The following PKIG variants were observed in gnomAD, a reference collection of about 807,000 sequenced individuals.
PKIG encodes protein kinase (cAMP-dependent, catalytic) inhibitor gamma.
In PKIG, 1 loss-of-function variant was observed where a neutral mutation model predicts 6.8. That is an observed-to-expected ratio of 0.15 (90% confidence interval 0.05 to 0.69). The LOEUF is 0.69. PKIG is among the 30% of genes least tolerant of loss of function. The probability of loss-of-function intolerance (pLI) is 0.82; values close to 1 mark genes in which losing one functional copy is unlikely to be tolerated. For synonymous variants in PKIG, 39 were observed against 43.0 expected (o/e 0.91, Z 0.36); for missense variants, 77 against 104.0 (o/e 0.74, Z 1.13).
chr20:44,611,875 T>C (rs1295740340), intron 2 of PKIG, among the ~76,000 whole-genome samples: 2 of 152,120 alleles, frequency 1.3e-5, no homozygotes, highest in African/African-American at 4.8e-5. Context: ...ATGCAGTATT[T>C]GTGTTTCTGT....
At chr20:44,600,700 AAAG>A (rs1411133962) in intron 2 of PKIG, among the ~76,000 whole-genome samples, 5 of 152,078 alleles carry the variant, frequency 3.3e-5, no homozygotes, top group Admixed American at 6.6e-5. Context: ...TTAAAAAAAA[AAAG>A]AAGAAGAAAT....
rs535880480 is a variant in PKIG at position 44,596,482 on chromosome 20, A to G, written c.-24+6616A>G. 3.3e-5 allele frequency among the ~76,000 whole-genome samples: 5 copies of G among 152,324 alleles called. No individual in the cohort carries two copies. In the South Asian group the frequency reaches 8.3e-4, roughly 25 times the overall value. On this transcript the variant is annotated intron_variant, in intron 2 of 3. Transcript: ENST00000372886. The stretch of plus-strand genomic sequence containing the variant: ...CCAAGGGCTTAGGAACCTTGAGTAA[A>G]TGATGTTAATGTGGGCCAGAGGTAC...
chr20:44,588,689 G>C (rs1029151770), intron 1 of PKIG, among the ~76,000 whole-genome samples: 4 of 151,962 alleles, frequency 2.6e-5, no homozygotes, highest in Non-Finnish European at 4.4e-5. Context: ...AAAGGAGGGA[G>C]AGGGAGTAAA....
At chr20:44,569,493 G>A (rs534625626) in intron 1 of PKIG, among the ~76,000 whole-genome samples, 6 of 151,968 alleles carry the variant, frequency 3.9e-5, no homozygotes, top group African/African-American at 1.5e-4. Context: ...TTCTGAAAGC[G>A]GTTTGTTTTT....
intron 1 of PKIG, among the ~76,000 whole-genome samples, chr20:44,555,315 A>G (rs2064703732): frequency 6.6e-6 from 1 of 152,230 alleles, no homozygotes; most frequent in African/African-American, 2.4e-5. Context: ...ATAGTGCTTA[A>G]CAGTGTACTG....
At chr20:44,542,734 A>G (rs2064573298) in intron 1 of PKIG, among the ~76,000 whole-genome samples, 1 of 152,150 alleles carries the variant, frequency 6.6e-6, no homozygotes, top group South Asian at 2.1e-4. Flanking sequence ...CTGGGACTAC[A>G]GGCATGCGCC....
At position 44,607,323 on chromosome 20, in the gene PKIG, G is replaced by A. The variant is rs143660737; in HGVS notation, c.-23-7211G>A. Reference sequence around the variant, plus strand: ...CTACAGTTGTTTCCAAGGTGTGTGTGTGTGTGTGTTTGTGTGTGTATATGT... The same window carrying A: ...CTACAGTTGTTTCCAAGGTGTGTGTATGTGTGTGTTTGTGTGTGTATATGT... On this transcript the variant is annotated intron_variant, in intron 2 of 3. Transcript: ENST00000372886. Among the ~76,000 whole-genome samples the A allele has an allele frequency of 4.9e-3, 740 of 150,138 alleles. 3 individuals are homozygous for A. Among genetic ancestry groups the A allele is most frequent in the African/African-American group, 0.017 (690 of 40,722 alleles).
Position 44,614,264 on chromosome 20 carries a change from A to G in PKIG, c.-23-270A>G. ...TCTGTGCCAGTGCCTGGCGCATGGT[A>G]TTAATAAATGTGTGTACATGTTTGT... On this transcript the variant is annotated intron_variant, in intron 2 of 3. Transcript: ENST00000372886. This position sits in a 1 kb window ranked among gnomAD's most constrained non-coding sequence, Gnocchi z 4.6. 1 of 280,270 alleles carries G rather than the reference A, an allele frequency of 3.6e-6. No individual in the cohort carries two copies. Among genetic ancestry groups the G allele is most frequent in the Non-Finnish European group, 6.8e-6 (1 of 146,950 alleles). The allele number at this position is 280,270 out of a possible 1,614,324, so 17.4% of individuals were successfully genotyped here.
chr20:44,605,163 T>C (rs1298468484), intron 2 of PKIG, among the ~76,000 whole-genome samples: 1 of 151,976 alleles, frequency 6.6e-6, no homozygotes, highest in Non-Finnish European at 1.5e-5. Context: ...CCCAGCACTT[T>C]GGGAGGCCGA....
At chr20:44,582,068 G>A (rs1305691682), upstream of PKIG, among the ~76,000 whole-genome samples, 2 of 152,100 alleles carry the variant, frequency 1.3e-5, no homozygotes, top group Non-Finnish European at 2.9e-5. Flanking sequence ...CCTTCCCCGG[G>A]GGCACACATC....
intron 2 of PKIG, among the ~76,000 whole-genome samples, chr20:44,610,913 G>A (rs1489322632): frequency 6.6e-6 from 1 of 151,904 alleles, no homozygotes; most frequent in African/African-American, 2.4e-5. Flanking sequence ...TATTTGTGGG[G>A]TGCAACTTGA....
intron 2 of PKIG, among the ~76,000 whole-genome samples, chr20:44,605,160 C>G (rs1385759367): frequency 1.3e-5 from 2 of 151,706 alleles, no homozygotes; most frequent in Non-Finnish European, 2.9e-5. Context: ...AATCCCAGCA[C>G]TTTGGGAGGC....
intron 1 of PKIG, among the ~76,000 whole-genome samples, chr20:44,572,055 G>C (rs1456249038): frequency 6.6e-6 from 1 of 152,204 alleles, no homozygotes; most frequent in East Asian, 1.9e-4. Flanking sequence ...CCAGGCTGGG[G>C]TGCAGTGGCA....
At chr20:44,609,131 G>A (rs927237470) in intron 2 of PKIG, among the ~76,000 whole-genome samples, 1 of 152,222 alleles carries the variant, frequency 6.6e-6, no homozygotes, top group Non-Finnish European at 1.5e-5. Flanking sequence ...ATGTGTTTCT[G>A]CTTTCGATTG....
rs1182668529 is a variant in PKIG at position 44,618,511 on chromosome 20, TG to T, written c.*149del. On this transcript the variant is annotated 3_prime_UTR_variant, in exon 4 of 4. Coordinates refer to ENST00000372886, the MANE Select transcript of PKIG (RefSeq NM_001281445.2). ...TGAGAAGGCTCCCCAGAGGCCTCTG[TG>T]GCCTCCACTCCGGGAAAGCCCTCTG... 6.4e-6 allele frequency: 4 copies of T among 629,230 alleles called. No individual in the cohort carries two copies. Among genetic ancestry groups the T allele is most frequent in the Non-Finnish European group, 1.1e-5 (4 of 351,352 alleles). 39.0% of individuals were successfully genotyped at this position (629,230 alleles called of 1,614,324 possible).
upstream of PKIG, among the ~76,000 whole-genome samples, chr20:44,581,516 A>G (rs1172532876): frequency 6.6e-6 from 1 of 152,194 alleles, no homozygotes; most frequent in Non-Finnish European, 1.5e-5. Flanking sequence ...ATTGTACACG[A>G]AAGTAGAGAG....
In PKIG at chr20:44,614,647, G is replaced by C. The variant is rs1241829812; in HGVS notation, c.91G>C (p.Glu31Gln). 1 of 1,614,108 alleles carries C rather than the reference G, an allele frequency of 6.2e-7. No individual in the cohort carries two copies. The highest frequency in any genetic ancestry group is 1.7e-5 in the Admixed American group (1 of 60,028). ...GGTCCCTGACATCCAGGGAGACTCA[G>C]AGGCTGTGAGCGTGAGGAAGCTGGC... ...NAVPDIQGDS[E>Q]AVSVRKLAGD... The change falls in exon 3 of 4, where the codon GAG becomes CAG. Residue 31 changes from glutamate to glutamine, a missense_variant. Transcript: ENST00000372886. The surrounding 1 kb of genome is among the most constrained non-coding windows in gnomAD (Gnocchi z 4.6).
chr20:44,546,135 A>G (rs1238538643), intron 1 of PKIG, among the ~76,000 whole-genome samples: 6 of 152,016 alleles, frequency 3.9e-5, no homozygotes, highest in African/African-American at 1.4e-4. Flanking sequence ...CTGTACTCCC[A>G]ACTACTCGGA....
At chr20:44,543,638 C>T (rs937538531) in intron 1 of PKIG, among the ~76,000 whole-genome samples, 16 of 152,178 alleles carry the variant, frequency 1.1e-4, no homozygotes, top group African/African-American at 3.9e-4. Flanking sequence ...AGGCTTCTTT[C>T]CCTAAGATTT....
Sources: gnomAD v4.1 joint callset for allele counts (sites outside exome capture counted in the v4.1 genomes callset) on GRCh38, gnomAD v4.1.1 for gene constraint, Gnocchi (gnomAD v3.1) non-coding constraint, MANE v1.5 for transcripts, NCBI Gene and HGNC (gene_info 2026-07-23, HGNC 2026-07-21) for gene names.